The following SPATS2 variants were observed in gnomAD, a reference collection of about 807,000 sequenced individuals.
The protein encoded by SPATS2 is spermatogenesis associated serine rich 2.
In SPATS2, 38 loss-of-function variants were observed where a neutral mutation model predicts 63.7. The ratio of observed to expected loss-of-function variants is 0.60; its 90% CI spans 0.46 to 0.78. The LOEUF (loss-of-function observed/expected upper bound fraction) is 0.78, where lower values mean the gene tolerates loss of function less well. Ranked by LOEUF, SPATS2 falls within the 30% of genes least tolerant of loss-of-function variation. The probability of loss-of-function intolerance (pLI) is 0.00; values close to 1 mark genes in which losing one functional copy is unlikely to be tolerated. For synonymous variants in SPATS2, 207 were observed against 232.9 expected (o/e 0.89, Z 1.01); for missense variants, 588 against 666.2 (o/e 0.88, Z 1.29).
intron 11 of SPATS2, among the ~76,000 whole-genome samples, chr12:49,520,033 G>A (rs1946914702): frequency 6.6e-6 from 1 of 150,856 alleles, no homozygotes; most frequent in East Asian, 1.9e-4. Flanking sequence ...AGGCTGGAGT[G>A]CAATAGCGCA....
At chr12:49,443,851 A>G (rs574988240) in intron 2 of SPATS2, among the ~76,000 whole-genome samples, 11 of 152,322 alleles carry the variant, frequency 7.2e-5, no homozygotes, top group South Asian at 4.1e-4. Flanking sequence ...ATGTGTGCCT[A>G]TTCTTATGAC....
intron 3 of SPATS2, among the ~76,000 whole-genome samples, chr12:49,468,358 C>T (rs1369671855): frequency 6.6e-6 from 1 of 152,074 alleles, no homozygotes; most frequent in Non-Finnish European, 1.5e-5. Context: ...CGGGGTTTCA[C>T]CATGTTGGCC....
chr12:49,516,002 T>C (rs1157062359), intron 10 of SPATS2, among the ~76,000 whole-genome samples: 1 of 150,856 alleles, frequency 6.6e-6, no homozygotes, highest in Non-Finnish European at 1.5e-5. Flanking sequence ...TAGCTGGGCA[T>C]GGTGGCACAC....
In SPATS2 at chr12:49,484,689, A is replaced by G. The variant is rs138662401; in HGVS notation, c.105+20A>G. On this transcript the variant is annotated intron_variant, in intron 4 of 13. Transcript: ENST00000552918. ...GAGAAGGTAAGACTAGTCACTATGGATAGTAAACTTAAATGTCATAGGAAA... is the reference window on the plus strand; with the variant it reads ...GAGAAGGTAAGACTAGTCACTATGGGTAGTAAACTTAAATGTCATAGGAAA... 1,439 of 1,610,020 alleles carry G rather than the reference A, an allele frequency of 8.9e-4. 30 individuals are homozygous for G. In the South Asian group the frequency reaches 0.014, roughly 16 times the overall value.
chr12:49,369,559 A>G (rs900360285), intron 1 of SPATS2, among the ~76,000 whole-genome samples: 1 of 152,050 alleles, frequency 6.6e-6, no homozygotes, highest in African/African-American at 2.4e-5. Flanking sequence ...CTTCACCCTC[A>G]TCTTGGTTAT....
At chr12:49,438,577 A>T (rs1945358668) in intron 2 of SPATS2, among the ~76,000 whole-genome samples, 1 of 152,174 alleles carries the variant, frequency 6.6e-6, no homozygotes, top group African/African-American at 2.4e-5. Context: ...GTTGGTCCAC[A>T]TCCTGACCAA....
In SPATS2 at chr12:49,488,749, GATATA is replaced by G. The variant is rs950876260; in HGVS notation, c.106-711_106-707del. ...AAACAAATTGAAGATAAATATATAT[GATATA>G]ATATTTATGTATTTATGTAGTGCAA... On this transcript the variant is annotated intron_variant, in intron 4 of 13. Transcript: ENST00000552918. 2.3e-4 allele frequency among the ~76,000 whole-genome samples: 35 copies of G among 152,042 alleles called. 1 individual carries two copies. The highest frequency in any genetic ancestry group is 7.0e-4 in the African/African-American group (29 of 41,488).
At position 49,526,936 on chromosome 12, in the gene SPATS2, A is replaced by G. The variant is rs1352178421; in HGVS notation, c.*681A>G. 1.4e-5 allele frequency: 2 copies of G among 144,770 alleles called. No homozygotes were observed. Among genetic ancestry groups the G allele is most frequent in the Non-Finnish European group, 3.1e-5 (2 of 65,362 alleles). 9.0% of individuals were successfully genotyped at this position (144,770 alleles called of 1,614,324 possible). The stretch of plus-strand genomic sequence containing the variant: ...AGAAAGTAGCATTTAATTAAAGTTT[A>G]AAAAAAAAAAGGTTGGGCGTTGTGG... On this transcript the variant is annotated 3_prime_UTR_variant, in exon 14 of 14. Transcript: ENST00000552918.
At position 49,376,876 on chromosome 12, in the gene SPATS2, G is replaced by A. The variant is rs144513190; in HGVS notation, c.-244+5586G>A. On this transcript the variant is annotated intron_variant, in intron 2 of 13. Coordinates refer to ENST00000552918, the MANE Select transcript of SPATS2 (RefSeq NM_023071.4). ...TGGGATTACAGGCTCCTGCCACTGTGCCTGGCTAATTTTTGTATTTTCAGT... is the reference window on the plus strand; with the variant it reads ...TGGGATTACAGGCTCCTGCCACTGTACCTGGCTAATTTTTGTATTTTCAGT... 2.8e-4 allele frequency among the ~76,000 whole-genome samples: 43 copies of A among 151,988 alleles called. No homozygotes were observed. In the East Asian group the frequency reaches 8.1e-3, roughly 29 times the overall value.
At chr12:49,493,880 C>T (rs1266195011) in intron 6 of SPATS2, among the ~76,000 whole-genome samples, 1 of 152,216 alleles carries the variant, frequency 6.6e-6, no homozygotes, top group Non-Finnish European at 1.5e-5. Flanking sequence ...TATCTTGGAG[C>T]TTATTCCATG....
In SPATS2 at chr12:49,440,719, G is replaced by A. The variant is rs551594852; in HGVS notation, c.-243-20051G>A. 7.2e-4 allele frequency among the ~76,000 whole-genome samples: 110 copies of A among 152,164 alleles called. 1 individual carries two copies. The highest frequency in any genetic ancestry group is 2.4e-3 in the African/African-American group (98 of 41,538). On this transcript the variant is annotated intron_variant, in intron 2 of 13. Coordinates refer to ENST00000552918, the MANE Select transcript of SPATS2 (RefSeq NM_023071.4). ...CTTGACCTTGTGATTTGCCTGCCTC[G>A]GCCTCCCAGAGTGCTGGGATTACAG...
intron 8 of SPATS2, among the ~76,000 whole-genome samples, chr12:49,498,946 C>T (rs1401845001): frequency 1.3e-5 from 2 of 152,090 alleles, no homozygotes; most frequent in African/African-American, 4.8e-5. Flanking sequence ...GCCACCACAC[C>T]CAGCTAATTT....
At chr12:49,518,257 G>A (rs968491944) in intron 10 of SPATS2, among the ~76,000 whole-genome samples, 4 of 152,214 alleles carry the variant, frequency 2.6e-5, no homozygotes, top group East Asian at 1.9e-4. Context: ...GAGAACATTC[G>A]TTGGGTGGTT....
At chr12:49,480,830 GTATAAA>G (rs1171969072) in intron 3 of SPATS2, among the ~76,000 whole-genome samples, 1 of 151,324 alleles carries the variant, frequency 6.6e-6, no homozygotes, top group Non-Finnish European at 1.5e-5. Context: ...TGCACCCTGG[GTATAAA>G]TATAATCAGA....
intron 9 of SPATS2, among the ~76,000 whole-genome samples, chr12:49,501,817 C>T (rs538536945): frequency 1.3e-5 from 2 of 152,184 alleles, no homozygotes; most frequent in South Asian, 4.1e-4. Flanking sequence ...TGGGGTTTCA[C>T]CATGTTGGCC....
At chr12:49,456,508 A>G (rs1313167053) in intron 2 of SPATS2, among the ~76,000 whole-genome samples, 1 of 152,222 alleles carries the variant, frequency 6.6e-6, no homozygotes, top group African/African-American at 2.4e-5. Context: ...TTTGAATGAA[A>G]TGGGGAGCTG....
intron 2 of SPATS2, among the ~76,000 whole-genome samples, chr12:49,428,182 G>A (rs1212849245): frequency 6.6e-6 from 1 of 152,012 alleles, no homozygotes; most frequent in African/African-American, 2.4e-5. Flanking sequence ...GTGAACCCAG[G>A]AGGCGGAGCT....
intron 3 of SPATS2, among the ~76,000 whole-genome samples, chr12:49,475,549 C>T (rs1185232484): frequency 7.2e-5 from 11 of 152,048 alleles, no homozygotes; most frequent in African/African-American, 2.7e-4. Flanking sequence ...CAAGCAGTTC[C>T]CCTGCCTCAG....
At chr12:49,498,143 A>T (rs61394026) in intron 8 of SPATS2, among the ~76,000 whole-genome samples, 26,028 of 93,762 alleles carry the variant, frequency 0.28, 3,001 homozygotes, top group East Asian at 0.45. Context: ...AAAAAAAAAA[A>T]AAATATATAT....
Sources: gnomAD v4.1 joint callset for allele counts (sites outside exome capture counted in the v4.1 genomes callset) on GRCh38, gnomAD v4.1.1 for gene constraint, MANE v1.5 for transcripts, NCBI Gene and HGNC (gene_info 2026-07-23, HGNC 2026-07-21) for gene names.